Variants in KIF1A observed in about 807,000 individuals in gnomAD.
KIF1A encodes the protein kinesin family member 1A.
Under a neutral mutation model 227.3 loss-of-function variants are expected in KIF1A, and 46 were observed. That is an observed-to-expected ratio of 0.20 (90% CI 0.16 to 0.26). KIF1A has a LOEUF of 0.26. Among genes scored for constraint, KIF1A ranks in the 10% least tolerant of loss-of-function variants. KIF1A has a pLI of 1.00. For synonymous variants in KIF1A, 1,022 were observed against 1,012.8 expected (o/e 1.01, Z -0.17); for missense variants, 1,683 against 2,485.9 (o/e 0.68, Z 6.87).
chr2:240,750,214 A>G (rs949349569), intron 28 of KIF1A, among the ~76,000 whole-genome samples: 1 of 152,218 alleles, frequency 6.6e-6, no homozygotes, highest in African/African-American at 2.4e-5. Context: ...TCCAGGGCCC[A>G]CTGCGGGGCA....
intron 5 of KIF1A, 132 bp from the exon 6 acceptor site, chr2:240,786,645 GACCCCT>G (rs879470720): frequency 0.019 from 14,835 of 777,174 alleles, 169 homozygotes; most frequent in Middle Eastern, 0.04. Context: ...CCGCCATCAG[GACCCCT>G]GAGTGAGGGG....
chr2:240,726,932 TA>T lies in KIF1A; in HGVS notation c.4015del (p.Tyr1339ThrfsTer17). On this transcript the variant is annotated frameshift_variant, in exon 39 of 49. Coordinates refer to ENST00000498729, the MANE Select transcript of KIF1A (RefSeq NM_001244008.2). LOFTEE classifies it high-confidence loss of function. This position sits in a 1 kb window ranked among gnomAD's most constrained non-coding sequence, Gnocchi z 5.2. Reference sequence around the variant, plus strand: ...GCTGTCCCACGCAGCCTCAAATTGGTAAAAGGTCCTGAAAGGAAGCAGAGAC... The same window carrying T: ...GCTGTCCCACGCAGCCTCAAATTGGTAAAGGTCCTGAAAGGAAGCAGAGAC... ...IHPAQDDRTF[Y>X]QFEAAWDSSM... 6.3e-7 allele frequency: 1 copy of T among 1,598,840 alleles called. No individual in the cohort carries two copies. The highest frequency in any genetic ancestry group is 2.2e-5 in the East Asian group (1 of 44,616).
chr2:240,778,193 C>T lies in KIF1A; in HGVS notation c.883-2267G>A, dbSNP rs74002920. Reference sequence around the variant, plus strand: ...CGGACCCCACCCACGGGATGGCTGCCGGTCACACCATTCATCAAGTTTCCC... The same window carrying T: ...CGGACCCCACCCACGGGATGGCTGCTGGTCACACCATTCATCAAGTTTCCC... On this transcript the variant is annotated intron_variant, in intron 10 of 48. Transcript: ENST00000498729. The surrounding 1 kb of genome is among the most constrained non-coding windows in gnomAD (Gnocchi z 7.2). 0.013 allele frequency among the ~76,000 whole-genome samples: 1,908 copies of T among 152,176 alleles called. 50 individuals are homozygous for T. Among genetic ancestry groups the T allele is most frequent in the African/African-American group, 0.044 (1,807 of 41,494 alleles).
At position 240,726,191 on chromosome 2, in the gene KIF1A, G is replaced by A. The variant is rs2045979143; in HGVS notation, c.4122+635C>T. Among the ~76,000 whole-genome samples, 1 of 152,254 alleles carries A rather than the reference G, an allele frequency of 6.6e-6. No individual in the cohort carries two copies. The highest frequency in any genetic ancestry group is 1.5e-5 in the Non-Finnish European group (1 of 68,042). On this transcript the variant is annotated intron_variant, in intron 39 of 48. Transcript: ENST00000498729. This position sits in a 1 kb window ranked among gnomAD's most constrained non-coding sequence, Gnocchi z 5.2. ...CTGCAGACTCTGGGGGTGCTGTGGG[G>A]ATGGAACACTTCTGTTTTTGTGCTG...
At position 240,742,938 on chromosome 2, in the gene KIF1A, A is replaced by G. The variant is rs2048162809; in HGVS notation, c.3631T>C (p.Ser1211Pro). 6.2e-7 allele frequency: 1 copy of G among 1,611,436 alleles called. No homozygotes were observed. The highest frequency in any genetic ancestry group is 8.5e-7 in the Non-Finnish European group (1 of 1,179,016). ...CAGAGACCCTTCCTACCTGGCTTGG[A>G]CAGTGGCATGACCCGAGGGAAGTGG... ...RRHFPRVMPL[S>P]KPVPATKLST... Residue 1211 changes from serine to proline, a missense_variant, in exon 34 of 49, where the codon TCC (serine) becomes CCC (proline). By Grantham distance (74) the Ser-to-Pro change is moderately conservative. This residue lies in a region of KIF1A where 759 missense variants were observed against 1,020.2 expected (regional missense o/e 0.74). Coordinates refer to ENST00000498729, the MANE Select transcript of KIF1A (RefSeq NM_001244008.2).
intron 42 of KIF1A, among the ~76,000 whole-genome samples, chr2:240,723,209 A>C (rs1412264702): frequency 1.3e-5 from 2 of 152,080 alleles, no homozygotes; most frequent in Non-Finnish European, 2.9e-5. Flanking sequence ...TCTGTGCTAC[A>C]CTGGCCATGT....
chr2:240,782,885 C>A, intron 9 of KIF1A, 159 bp downstream of exon 9: 1 of 708,830 alleles, frequency 1.4e-6, no homozygotes, highest in Admixed American at 2.1e-5. Context: ...AGGGCCCCTA[C>A]CCCTTCTCCA....
At position 240,769,137 on chromosome 2, in the gene KIF1A, T is replaced by C; in HGVS notation, c.1493A>G (p.Lys498Arg). ...DGGTLGVFSP[K>R]KTPHLVNLNE... Reference sequence around the variant, plus strand: ...CAGAACTGAGATAGCTCCTACCTTTTTGGGAGAGAATACGCCCAAGGTGCC... The same window carrying C: ...CAGAACTGAGATAGCTCCTACCTTTCTGGGAGAGAATACGCCCAAGGTGCC... The change falls in exon 17 of 49, where the codon AAA becomes AGA. Residue 498 changes from lysine (K) to arginine (R), a missense_variant. Lys to Arg is a conservative substitution (Grantham distance 26, BLOSUM62 2). Around this residue, in one of 12 missense-constraint regions of KIF1A, gnomAD observed 217 missense variants for 427.0 expected, o/e 0.51. Transcript: ENST00000498729. 2 of 1,609,214 alleles carry C rather than the reference T, an allele frequency of 1.2e-6. No individual in the cohort carries two copies. Among genetic ancestry groups the C allele is most frequent in the South Asian group, 1.1e-5 (1 of 89,912 alleles).
Position 240,740,048 on chromosome 2 carries a change from C to A in KIF1A, c.3901+10G>T. On this transcript the variant is annotated intron_variant, in intron 37 of 48. Coordinates refer to ENST00000498729, the MANE Select transcript of KIF1A (RefSeq NM_001244008.2). The surrounding 1 kb of genome is among the most constrained non-coding windows in gnomAD (Gnocchi z 6.1). ...CCCACCCACCAAGGCAGCCCCCACA[C>A]CGCACTCACCCACGACCAGCTCGCG... The A allele has an allele frequency of 6.4e-7, 1 of 1,573,038 alleles. No individual in the cohort carries two copies. Among genetic ancestry groups the A allele is most frequent in the Admixed American group, 1.8e-5 (1 of 54,556 alleles).
In KIF1A at chr2:240,758,619, GTCA is replaced by G; in HGVS notation, c.2445-125_2445-123del. The G allele has an allele frequency of 1.9e-6, 2 of 1,026,894 alleles. No individual in the cohort carries two copies. The highest frequency in any genetic ancestry group is 2.6e-6 in the Non-Finnish European group (2 of 756,850). The allele number at this position is 1,026,894 out of a possible 1,614,324, so 63.6% of individuals were successfully genotyped here. A position where few individuals can be genotyped will look rare whatever the true frequency, so the allele number is the denominator to read the frequency against. ...CTCTGGCCACCACATCCAGCTCAGG[GTCA>G]TCAAGGTCCAGGGGGCTTGCTAGAC... On this transcript the variant is annotated intron_variant, in intron 25 of 48. Coordinates refer to ENST00000498729, the MANE Select transcript of KIF1A (RefSeq NM_001244008.2). The surrounding 1 kb of genome is among the most constrained non-coding windows in gnomAD (Gnocchi z 5.2).
At chr2:240,750,872 G>C (rs540570635) in intron 27 of KIF1A, among the ~76,000 whole-genome samples, 2 of 152,150 alleles carry the variant, frequency 1.3e-5, no homozygotes, top group Non-Finnish European at 2.9e-5. Context: ...CAAGGAGGAC[G>C]GGGGCCAGAC....
chr2:240,785,858 A>C (rs2126067767), intron 6 of KIF1A, among the ~76,000 whole-genome samples: 1 of 152,288 alleles, frequency 6.6e-6, no homozygotes, highest in Admixed American at 6.5e-5. Flanking sequence ...CGGGTGGCAG[A>C]GGGAGTCTGT....
chr2:240,774,128 C>T, intron 12 of KIF1A, 55 bp downstream of exon 12: 3 of 1,163,872 alleles, frequency 2.6e-6, no homozygotes, highest in Non-Finnish European at 3.8e-6. Flanking sequence ...ACGAGAGGAT[C>T]CATCCCCCAA....
Position 240,718,156 on chromosome 2 carries a change from A to T in KIF1A, c.5227T>A (p.Phe1743Ile). The change falls in exon 48 of 49, where the codon TTC becomes ATC. Residue 1743 changes from phenylalanine to isoleucine, a missense_variant. Physicochemically the swap from Phe to Ile is conservative, Grantham distance 21 (BLOSUM62 0). Transcript: ENST00000498729. The stretch of plus-strand genomic sequence containing the variant: ...CCGCGGTGTTCCGTGCACACCGCGA[A>T]TGTGTTGGGTGTCTGCAGAGGGAGG... Reference protein sequence around the residue: ...QQAMLKTPNTFAVCTEHRGIL... With the variant: ...QQAMLKTPNTIAVCTEHRGIL... 6.2e-7 allele frequency: 1 copy of T among 1,604,488 alleles called. No homozygotes were observed. The highest frequency in any genetic ancestry group is 8.5e-7 in the Non-Finnish European group (1 of 1,176,012).
intron 44 of KIF1A, among the ~76,000 whole-genome samples, 152 bp from the exon 45 acceptor site, chr2:240,721,190 C>T (rs1189947127): frequency 6.6e-6 from 1 of 152,198 alleles, no homozygotes; most frequent in African/African-American, 2.4e-5. Flanking sequence ...TTGGCCAGCT[C>T]AAGACCCCCG....
chr2:240,814,464 C>A (rs1195490315), intron 1 of KIF1A, among the ~76,000 whole-genome samples: 1 of 152,048 alleles, frequency 6.6e-6, no homozygotes, highest in African/African-American at 2.4e-5. Flanking sequence ...AAGACTCATG[C>A]ACCCTTTCAA....
chr2:240,731,371 C>T (rs906067844), intron 38 of KIF1A, among the ~76,000 whole-genome samples: 1 of 152,200 alleles, frequency 6.6e-6, no homozygotes, highest in African/African-American at 2.4e-5. Context: ...AATGCACGGA[C>T]TTTGAGCAAC....
Position 240,724,021 on chromosome 2 carries a change from A to C in KIF1A, c.4272T>G (p.Gly1424=). Residue 1424 remains glycine, a synonymous_variant, in exon 41 of 49, where the codon GGT becomes GGG. Transcript: ENST00000498729. ...CGTGGCACAGGCTGAGCTCGTACAC[A>C]CCAGTCACACGGTTACTGTGGGGAG... The part of the protein sequence containing the change: ...LRASESNRVT[G]VYELSLCHVA... 6.2e-7 allele frequency: 1 copy of C among 1,612,604 alleles called. No homozygotes were observed. The highest frequency in any genetic ancestry group is 8.5e-7 in the Non-Finnish European group (1 of 1,179,798).
In KIF1A at chr2:240,719,151, G is replaced by T. The variant is rs1468911667; in HGVS notation, c.5069C>A (p.Thr1690Lys). Reference sequence around the variant, plus strand: ...CACGAAGCGCCTGGCCCAGCCTGACGTGTGCGGCTCCAGGAAGTGCAGGTA... The same window carrying T: ...CACGAAGCGCCTGGCCCAGCCTGACTTGTGCGGCTCCAGGAAGTGCAGGTA... ...KGYLHFLEPH[T>K]SGWARRFVVV... The change falls in exon 47 of 49, where the codon ACG becomes AAG. Residue 1690 changes from threonine to lysine, a missense_variant. By Grantham distance (78) the Thr-to-Lys change is moderately conservative (BLOSUM62 -1). Transcript: ENST00000498729. The T allele has an allele frequency of 1.2e-6, 2 of 1,612,110 alleles. No homozygotes were observed. The highest frequency in any genetic ancestry group is 1.3e-5 in the African/African-American group (1 of 74,890).
Sources: gnomAD v4.1 joint callset for allele counts (sites outside exome capture counted in the v4.1 genomes callset) on GRCh38, gnomAD v4.1.1 for gene constraint, gnomAD v4.1.1 regional missense constraint, Gnocchi (gnomAD v3.1) non-coding constraint, MANE v1.5 for transcripts, NCBI Gene and HGNC (gene_info 2026-07-23, HGNC 2026-07-21) for gene names.